The following WWOX variants were observed in gnomAD, a reference collection of about 807,000 sequenced individuals.
WWOX encodes WW domain containing oxidoreductase, also known as WW domain-containing oxidoreductase.
Under a neutral mutation model 46.2 loss-of-function variants are expected in WWOX, and 69 were observed. The ratio of observed to expected loss-of-function variants is 1.49; its 90% CI spans 1.23 to 1.82. WWOX has a LOEUF of 1.82. Ranked by LOEUF, WWOX falls within the 40% of genes most tolerant of loss-of-function variation. WWOX has a pLI of 0.00. For synonymous variants in WWOX, 359 were observed against 202.6 expected, an observed-to-expected ratio of 1.77 and a Z score of -6.56; for missense variants, 919 against 542.6, an observed-to-expected ratio of 1.69 and a Z score of -6.89.
At chr16:78,328,826 T>TTTTC (rs1567504257) in intron 5 of WWOX, among the ~76,000 whole-genome samples, 1 of 83,248 alleles carries the variant, frequency 1.2e-5, no homozygotes, top group East Asian at 3.6e-3. Context: ...GCCGATGTGT[T>TTTTC]TTTCTTTTTT....
intron 8 of WWOX, among the ~76,000 whole-genome samples, chr16:78,908,439 C>T (rs1361144662): frequency 6.6e-6 from 1 of 151,290 alleles, no homozygotes; most frequent in Non-Finnish European, 1.5e-5. Flanking sequence ...AGTCGGGAGG[C>T]AGAGGCAGGA....
rs115386912 is a variant in WWOX at position 79,201,332 on chromosome 16, C to A, written c.1057-10276C>A. 8.7e-3 allele frequency among the ~76,000 whole-genome samples: 1,190 copies of A among 137,374 alleles called. 8 individuals are homozygous for A. The highest frequency in any genetic ancestry group is 0.03 in the African/African-American group (1,146 of 38,308). The allele number at this position is 137,374 out of a possible 152,430, so 90.1% of individuals were successfully genotyped here. On this transcript the variant is annotated intron_variant, in intron 8 of 8. Coordinates refer to ENST00000566780, the MANE Select transcript of WWOX (RefSeq NM_016373.4). ...TCCCTAGCTGAATAGAGAGGGTTTC[C>A]TTTTTCTTTTCTTTTTTTTTTTTTT... is the stretch of plus-strand genomic sequence containing the variant.
At chr16:78,645,172 T>C (rs1363413323) in intron 8 of WWOX, among the ~76,000 whole-genome samples, 1 of 152,074 alleles carries the variant, frequency 6.6e-6, no homozygotes, top group Non-Finnish European at 1.5e-5. Context: ...TATCGAAGGG[T>C]TTTTTCCATG....
At chr16:79,093,788 T>C (rs2049013038) in intron 8 of WWOX, among the ~76,000 whole-genome samples, 1 of 152,194 alleles carries the variant, frequency 6.6e-6, no homozygotes, top group African/African-American at 2.4e-5. Context: ...TCTCTCTTGC[T>C]TCCCCTCCCC....
chr16:78,515,001 C>T (rs2085455780), intron 8 of WWOX, among the ~76,000 whole-genome samples: 1 of 152,114 alleles, frequency 6.6e-6, no homozygotes, highest in Non-Finnish European at 1.5e-5. Context: ...AGGTGGATCA[C>T]CTGAAGTCAG....
At chr16:78,840,483 C>T (rs1355450246) in intron 8 of WWOX, among the ~76,000 whole-genome samples, 1 of 152,292 alleles carries the variant, frequency 6.6e-6, no homozygotes, top group East Asian at 1.9e-4. Flanking sequence ...GATCCCACTA[C>T]TTAGGGAGGC....
intron 5 of WWOX, among the ~76,000 whole-genome samples, chr16:78,323,646 C>T (rs759325639): frequency 1.3e-4 from 20 of 152,314 alleles, no homozygotes; most frequent in South Asian, 4.2e-4. Flanking sequence ...TTACTTTTCA[C>T]GCATGGCATT....
chr16:78,281,018 G>C (rs760141785), intron 5 of WWOX: 3 of 152,190 alleles, frequency 2.0e-5, no homozygotes, highest in Non-Finnish European at 4.4e-5. Context: ...TTTGTAAATG[G>C]AAATACCACT....
chr16:78,712,175 A>G (rs976480550), intron 8 of WWOX, among the ~76,000 whole-genome samples: 14 of 152,162 alleles, frequency 9.2e-5, no homozygotes, highest in Admixed American at 1.3e-4. Context: ...TATGTGGGAT[A>G]GGCTCATTCA....
chr16:79,096,699 C>T (rs1038569039), intron 8 of WWOX, among the ~76,000 whole-genome samples: 16 of 152,210 alleles, frequency 1.1e-4, no homozygotes, highest in African/African-American at 3.9e-4. Flanking sequence ...TTTGCTTTCT[C>T]CCCGCTCTTT....
intron 8 of WWOX, among the ~76,000 whole-genome samples, chr16:78,533,023 C>T (rs1369123309): frequency 6.6e-6 from 1 of 152,148 alleles, no homozygotes; most frequent in African/African-American, 2.4e-5. Flanking sequence ...GAGCTGCCAC[C>T]GTCAGTAGAG....
intron 5 of WWOX, among the ~76,000 whole-genome samples, chr16:78,257,428 G>A (rs1421304003): frequency 6.6e-6 from 1 of 152,178 alleles, no homozygotes; most frequent in Non-Finnish European, 1.5e-5. Context: ...CTCCCGTGAG[G>A]CGGTGCAGGC....
chr16:78,101,155 C>G (rs74723573), intron 1 of WWOX, among the ~76,000 whole-genome samples: 3 of 151,334 alleles, frequency 2.0e-5, no homozygotes, highest in African/African-American at 7.3e-5. Flanking sequence ...TCACGCCATT[C>G]TCCTGCCTCA....
chr16:78,412,283 G>A (rs964806406), intron 6 of WWOX, among the ~76,000 whole-genome samples: 1 of 152,276 alleles, frequency 6.6e-6, no homozygotes, highest in Non-Finnish European at 1.5e-5. Flanking sequence ...GTATCAGGAC[G>A]GGGAGGAGAT....
At chr16:78,703,877 C>G (rs1321805541) in intron 8 of WWOX, among the ~76,000 whole-genome samples, 1 of 152,048 alleles carries the variant, frequency 6.6e-6, no homozygotes, top group Non-Finnish European at 1.5e-5. Flanking sequence ...TGACTCTGAT[C>G]TTCTCAATCT....
chr16:78,619,077 C>T (rs138123747), intron 8 of WWOX, among the ~76,000 whole-genome samples: 1 of 137,164 alleles, frequency 7.3e-6, no homozygotes, highest in African/African-American at 2.8e-5. Context: ...GGGAGGATCA[C>T]TGGAGGTCGG....
At chr16:79,037,649 C>A (rs1430361538) in intron 8 of WWOX, among the ~76,000 whole-genome samples, 1 of 152,198 alleles carries the variant, frequency 6.6e-6, no homozygotes, top group African/African-American at 2.4e-5. Context: ...CTCCCAACCT[C>A]CTGCAACCTT....
chr16:79,161,600 G>A (rs986284413), intron 8 of WWOX, among the ~76,000 whole-genome samples: 3 of 152,134 alleles, frequency 2.0e-5, no homozygotes, highest in African/African-American at 4.8e-5. Context: ...TTGGCTCACT[G>A]TAGCTGCTGT....
intron 8 of WWOX, among the ~76,000 whole-genome samples, chr16:79,059,946 G>T (rs1335000437): frequency 6.6e-6 from 1 of 152,126 alleles, no homozygotes; most frequent in African/African-American, 2.4e-5. Flanking sequence ...TTGGTACACT[G>T]AGAGGTCATT....
Sources: allele counts gnomAD v4.1 joint callset (sites outside exome capture counted in the v4.1 genomes callset), GRCh38; gene constraint gnomAD v4.1.1; transcripts MANE v1.5; gene names NCBI Gene and HGNC (gene_info 2026-07-23, HGNC 2026-07-21).